The following ZFHX3 variants were observed in gnomAD, a reference collection of about 807,000 sequenced individuals.
ZFHX3 encodes zinc finger homeobox protein 3.
In ZFHX3, 42 loss-of-function variants were observed where a neutral mutation model predicts 279.1. The ratio of observed to expected loss-of-function variants is 0.15; its 90% confidence interval spans 0.12 to 0.19. The LOEUF (loss-of-function observed/expected upper bound fraction) is 0.19, where lower values mean the gene tolerates loss of function less well. Ranked by LOEUF, ZFHX3 falls within the 10% of genes least tolerant of loss-of-function variation. ZFHX3 has a pLI of 1.00. For synonymous variants in ZFHX3, 2,293 were observed against 1,957.8 expected (o/e 1.17, Z -4.52); for missense variants, 4,981 against 4,754.0 (o/e 1.05, Z -1.40).
Position 73,792,632 on chromosome 16 carries a change from G to A in ZFHX3, c.-1608+99019C>T, listed in dbSNP as rs552131345. On this transcript the variant is annotated intron_variant, in intron 1 of 17. Transcript: ENST00000641206. ...AGCTTGCCTCCTTTAAGTTAAAAGG[G>A]TGAAATTGTGGACCTAAGGGCTGAT... Among the ~76,000 whole-genome samples the A allele has an allele frequency of 5.9e-5, 9 of 152,290 alleles. No individual in the cohort carries two copies. The South Asian group carries it at 1.7e-3, about 28-fold the overall frequency.
chr16:73,362,839 G>A (rs771047484), intron 3 of ZFHX3, among the ~76,000 whole-genome samples: 2 of 152,160 alleles, frequency 1.3e-5, no homozygotes, highest in African/African-American at 2.4e-5. Flanking sequence ...AACAGAGTAC[G>A]GTCAAACAAA....
At chr16:72,879,387 A>T (rs2144015300) in intron 4 of ZFHX3, among the ~76,000 whole-genome samples, 1 of 152,262 alleles carries the variant, frequency 6.6e-6, no homozygotes, top group African/African-American at 2.4e-5. Flanking sequence ...AGATCTGCTT[A>T]GTCCCTAAAA....
Position 73,134,480 on chromosome 16 carries a change from G to C in ZFHX3, c.-1023-3386C>G, listed in dbSNP as rs116314213. ...CTAACAGTTGCGACCACAGGCACGT[G>C]TCACCACACCCAGCTAACTAAACAT... On this transcript the variant is annotated intron_variant, in intron 6 of 17. Transcript: ENST00000641206. The C allele has an allele frequency of 7.0e-3, 1,056 of 150,998 alleles. 23 individuals carry two copies. The highest frequency in any genetic ancestry group is 0.025 in the African/African-American group (1,014 of 40,996). The allele number at this position is 150,998 out of a possible 1,614,324, so 9.4% of individuals were successfully genotyped here.
intron 3 of ZFHX3, among the ~76,000 whole-genome samples, chr16:73,372,386 C>T (rs756596179): frequency 1.3e-5 from 2 of 152,214 alleles, no homozygotes; most frequent in East Asian, 3.9e-4. Flanking sequence ...AAGAATAACA[C>T]GTTTACTACT....
intron 4 of ZFHX3, among the ~76,000 whole-genome samples, chr16:72,839,813 C>A (rs1392059377): frequency 6.6e-6 from 1 of 152,116 alleles, no homozygotes; most frequent in African/African-American, 2.4e-5. Context: ...TGATGGGGTA[C>A]CCGTTCCCTC....
At chr16:72,951,709 T>A (rs977130525) in intron 2 of ZFHX3, among the ~76,000 whole-genome samples, 3 of 152,156 alleles carry the variant, frequency 2.0e-5, no homozygotes, top group African/African-American at 7.2e-5. Flanking sequence ...TACCAAGCCT[T>A]CATGGGGAAC....
intron 2 of ZFHX3, among the ~76,000 whole-genome samples, chr16:73,674,555 G>A (rs924476229): frequency 3.9e-5 from 6 of 152,228 alleles, no homozygotes; most frequent in African/African-American, 1.2e-4. Context: ...GCAGTGAATT[G>A]TAAAGATGGC....
At chr16:73,476,218 A>G (rs2018762835) in intron 2 of ZFHX3, among the ~76,000 whole-genome samples, 1 of 152,068 alleles carries the variant, frequency 6.6e-6, no homozygotes, top group South Asian at 2.1e-4. Flanking sequence ...AAATATATCC[A>G]ACTGGTGTTG....
At chr16:73,732,889 C>T (rs771198506) in intron 1 of ZFHX3, among the ~76,000 whole-genome samples, 13 of 152,206 alleles carry the variant, frequency 8.5e-5, no homozygotes, top group South Asian at 6.2e-4. Flanking sequence ...TGCATTAAGG[C>T]GGTGGGTTCA....
chr16:73,455,085 C>T (rs538387888), intron 3 of ZFHX3, among the ~76,000 whole-genome samples: 5 of 152,212 alleles, frequency 3.3e-5, no homozygotes, highest in East Asian at 1.9e-4. Flanking sequence ...ACCATCATGA[C>T]GTTGTCAGGT....
exon 1 of ZFHX3, chr16:73,058,740 G>A (rs1395702277): frequency 2.0e-5 from 3 of 153,824 alleles, no homozygotes; most frequent in Non-Finnish European, 2.8e-5. Flanking sequence ...GCTGGAGCGC[G>A]CTCGGCGGAG....
intron 3 of ZFHX3, among the ~76,000 whole-genome samples, chr16:72,943,695 C>T (rs890481054): frequency 1.3e-5 from 2 of 152,160 alleles, no homozygotes; most frequent in Non-Finnish European, 2.9e-5. Context: ...GTCTGGCCGT[C>T]ACTTACTGGG....
At chr16:73,553,078 G>A (rs879628760) in intron 2 of ZFHX3, among the ~76,000 whole-genome samples, 2 of 152,064 alleles carry the variant, frequency 1.3e-5, no homozygotes, top group Non-Finnish European at 2.9e-5. Flanking sequence ...CAAGCACTAT[G>A]TATGCCATTT....
chr16:73,280,545 A>T (rs939533940), intron 4 of ZFHX3, among the ~76,000 whole-genome samples: 2 of 152,192 alleles, frequency 1.3e-5, no homozygotes, highest in Non-Finnish European at 2.9e-5. Flanking sequence ...GCAAATCAAA[A>T]GCACAATGAG....
chr16:73,391,394 G>C (rs1049350920), intron 3 of ZFHX3, among the ~76,000 whole-genome samples: 1 of 151,758 alleles, frequency 6.6e-6, no homozygotes, highest in Non-Finnish European at 1.5e-5. Flanking sequence ...AGAGGTTGCA[G>C]TGAGCCAAGG....
chr16:73,703,241 C>T (rs1474359659), intron 1 of ZFHX3, among the ~76,000 whole-genome samples: 1 of 152,062 alleles, frequency 6.6e-6, no homozygotes, highest in Non-Finnish European at 1.5e-5. Context: ...GTGCCTCCCC[C>T]TCCCACTCCT....
intron 1 of ZFHX3, among the ~76,000 whole-genome samples, chr16:73,857,318 G>T (rs1043063316): frequency 1.3e-5 from 2 of 152,178 alleles, no homozygotes; most frequent in Non-Finnish European, 2.9e-5. Flanking sequence ...ACAGTTTGGA[G>T]AATAAATGAG....
At chr16:73,572,275 G>GT (rs1201662383) in intron 2 of ZFHX3, among the ~76,000 whole-genome samples, 3 of 151,964 alleles carry the variant, frequency 2.0e-5, no homozygotes, top group Non-Finnish European at 4.4e-5. Context: ...GTTTGGGGCT[G>GT]TTTTTTTAAG....
chr16:72,806,343 A>C (rs1019700916), intron 7 of ZFHX3, among the ~76,000 whole-genome samples: 3 of 152,224 alleles, frequency 2.0e-5, no homozygotes, highest in African/African-American at 7.2e-5. Context: ...AACAGGAAAC[A>C]CATGAAGAGT....
Sources: allele counts gnomAD v4.1 joint callset (sites outside exome capture counted in the v4.1 genomes callset), GRCh38; gene constraint gnomAD v4.1.1; transcripts MANE v1.5; gene names NCBI Gene and HGNC (gene_info 2026-07-23, HGNC 2026-07-21).